The following PDE4D variants were observed in gnomAD, a reference collection of about 807,000 sequenced individuals.
The protein encoded by PDE4D is phosphodiesterase 4D, also known as 3',5'-cyclic-AMP phosphodiesterase 4D.
A neutral mutation model predicts 87.4 loss-of-function variants in PDE4D; 24 were observed. That is an observed-to-expected ratio of 0.27 (90% CI 0.20 to 0.39). The LOEUF (loss-of-function observed/expected upper bound fraction) is 0.39. PDE4D is among the 10% of genes least tolerant of loss of function. The pLI, the probability that PDE4D is intolerant of heterozygous loss-of-function variation, is 1.00. For synonymous variants in PDE4D, 384 were observed against 383.2 expected (o/e 1.00, Z -0.02); for missense variants, 714 against 1,041.0 (o/e 0.69, Z 4.32).
At chr5:60,471,858 C>A (rs1266234213) in intron 1 of PDE4D, among the ~76,000 whole-genome samples, 1 of 152,108 alleles carries the variant, frequency 6.6e-6, no homozygotes, top group Non-Finnish European at 1.5e-5. Flanking sequence ...CACTTTATTG[C>A]AGTGGTCTGA....
chr5:59,762,667 CGTATGTGT>C (rs1435935182), intron 1 of PDE4D, among the ~76,000 whole-genome samples: 10 of 134,422 alleles, frequency 7.4e-5, no homozygotes, highest in Non-Finnish European at 1.5e-4. Context: ...TATATAGGTA[CGTATGTGT>C]ATATGTGTAT....
intron 1 of PDE4D, among the ~76,000 whole-genome samples, chr5:60,330,419 T>C (rs966754048): frequency 3.3e-5 from 5 of 152,212 alleles, no homozygotes; most frequent in Non-Finnish European, 5.9e-5. Context: ...AATGAGCCTA[T>C]AGCAGGAATT....
chr5:59,265,537 C>T (rs1762723009), intron 1 of PDE4D, among the ~76,000 whole-genome samples: 2 of 152,054 alleles, frequency 1.3e-5, no homozygotes, highest in Admixed American at 1.3e-4. Flanking sequence ...GAAAGTCATA[C>T]CAATGTGTAA....
At chr5:59,026,512 C>T (rs1756272736) in intron 6 of PDE4D, among the ~76,000 whole-genome samples, 1 of 152,034 alleles carries the variant, frequency 6.6e-6, no homozygotes, top group East Asian at 1.9e-4. Context: ...TCAGGATGGC[C>T]AAGTGGTCTA....
intron 1 of PDE4D, among the ~76,000 whole-genome samples, chr5:60,277,378 GT>G (rs1257722000): frequency 1.3e-5 from 2 of 152,072 alleles, no homozygotes; most frequent in African/African-American, 4.8e-5. Flanking sequence ...ACAAAAATCT[GT>G]TAGAATTAAT....
intron 1 of PDE4D, among the ~76,000 whole-genome samples, chr5:59,288,175 G>C (rs181823512): frequency 1.0e-3 from 159 of 152,140 alleles, no homozygotes; most frequent in African/African-American, 3.8e-3. Flanking sequence ...CTTTTAGACA[G>C]AGGAAACTCA....
chr5:59,681,093 A>C (rs1748921257), intron 1 of PDE4D, among the ~76,000 whole-genome samples: 1 of 152,142 alleles, frequency 6.6e-6, no homozygotes, highest in African/African-American at 2.4e-5. Context: ...TCTTTACTGA[A>C]AGGAAACAGA....
chr5:59,610,806 G>T (rs1828903113), intron 1 of PDE4D, among the ~76,000 whole-genome samples: 1 of 152,166 alleles, frequency 6.6e-6, no homozygotes, highest in African/African-American at 2.4e-5. Context: ...AGTCTGTAAG[G>T]CTATGGAGAA....
chr5:59,668,839 GGAAGAGGAAGAAGAAGAA>G (rs1561441138), intron 1 of PDE4D, among the ~76,000 whole-genome samples: 56 of 59,206 alleles, frequency 9.5e-4, no homozygotes, highest in Admixed American at 1.4e-3. Context: ...AAGAGGAAGA[GGAAGAGGAAGAAGAAGAA>G]GAAGAAGAAG....
At chr5:59,432,795 C>A (rs1368728917) in intron 1 of PDE4D, among the ~76,000 whole-genome samples, 1 of 151,986 alleles carries the variant, frequency 6.6e-6, no homozygotes, top group Non-Finnish European at 1.5e-5. Flanking sequence ...GTACAAAAGG[C>A]AGAAGTCTGG....
At chr5:59,524,682 C>T (rs1812771193) in intron 1 of PDE4D, among the ~76,000 whole-genome samples, 1 of 152,192 alleles carries the variant, frequency 6.6e-6, no homozygotes, top group African/African-American at 2.4e-5. Flanking sequence ...CACAGCAGCC[C>T]CTCCTATTAC....
intron 5 of PDE4D, among the ~76,000 whole-genome samples, chr5:59,128,602 C>T (rs569618510): frequency 6.6e-6 from 1 of 152,118 alleles, no homozygotes; most frequent in Non-Finnish European, 1.5e-5. Context: ...TGTTTAGAGT[C>T]AAGGTCATTT....
intron 2 of PDE4D, among the ~76,000 whole-genome samples, chr5:60,002,225 A>G (rs1452218069): frequency 6.6e-6 from 1 of 152,060 alleles, no homozygotes; most frequent in Non-Finnish European, 1.5e-5. Context: ...AATATATTAC[A>G]TGAACCTCAA....
At chr5:60,194,140 T>C (rs1740923752) in intron 1 of PDE4D, among the ~76,000 whole-genome samples, 1 of 151,474 alleles carries the variant, frequency 6.6e-6, no homozygotes, top group Non-Finnish European at 1.5e-5. Flanking sequence ...TCAAGCTATT[T>C]GAAAAAAAAT....
At chr5:59,947,876 G>A (rs1186909342) in intron 3 of PDE4D, among the ~76,000 whole-genome samples, 1 of 152,118 alleles carries the variant, frequency 6.6e-6, no homozygotes, top group Non-Finnish European at 1.5e-5. Flanking sequence ...GCATGGTGGT[G>A]CACGCCTATA....
intron 1 of PDE4D, among the ~76,000 whole-genome samples, chr5:59,590,538 C>A (rs1292314387): frequency 1.3e-5 from 2 of 151,952 alleles, no homozygotes; most frequent in African/African-American, 2.4e-5. Context: ...TCAGGAGTAA[C>A]CATAAAAGAT....
intron 1 of PDE4D, among the ~76,000 whole-genome samples, chr5:59,296,795 ACACG>A (rs1005139677): frequency 4.8e-5 from 7 of 145,094 alleles, no homozygotes; most frequent in Non-Finnish European, 6.1e-5. Context: ...ACACACACAC[ACACG>A]CGTGCATGCA....
intron 3 of PDE4D, among the ~76,000 whole-genome samples, chr5:59,188,756 T>C (rs1413529681): frequency 3.9e-5 from 6 of 152,152 alleles, no homozygotes; most frequent in Admixed American, 3.3e-4. Flanking sequence ...ATTTACAAAA[T>C]AGAAAGGTCA....
chr5:60,262,981 A>G (rs1472771829), intron 1 of PDE4D, among the ~76,000 whole-genome samples: 1 of 152,206 alleles, frequency 6.6e-6, no homozygotes, highest in Non-Finnish European at 1.5e-5. Flanking sequence ...AAAGAGCAGC[A>G]AAGGAGAAAT....
Sources: gnomAD v4.1 joint callset for allele counts (sites outside exome capture counted in the v4.1 genomes callset) on GRCh38, gnomAD v4.1.1 for gene constraint, MANE v1.5 for transcripts, NCBI Gene and HGNC (gene_info 2026-07-23, HGNC 2026-07-21) for gene names.